TENM2: variants seen among roughly 807,000 people sequenced by gnomAD.
TENM2 encodes teneurin transmembrane protein 2.
In TENM2, 52 loss-of-function variants were observed where a neutral mutation model predicts 245.2. That is an observed-to-expected ratio of 0.21 (90% CI 0.17 to 0.27). The LOEUF is 0.27. Among genes scored for constraint, TENM2 ranks in the 10% least tolerant of loss-of-function variants. The probability of loss-of-function intolerance (pLI) is 1.00; values close to 1 mark genes in which losing one functional copy is unlikely to be tolerated. For synonymous variants in TENM2, 1,363 were observed against 1,438.9 expected, an observed-to-expected ratio of 0.95 and a Z score of 1.19; for missense variants, 3,046 against 3,666.8, an observed-to-expected ratio of 0.83 and a Z score of 4.37.
chr5:167,041,703 C>A, the TENM2 span, among the ~76,000 whole-genome samples: 2 of 152,148 alleles, frequency 1.3e-5, no homozygotes, highest in Non-Finnish European at 2.9e-5. Context: ...TAAAAAATTA[C>A]AAACGAAAGA....
chr5:167,478,108 A>G (rs1767513437), intron 2 of TENM2, among the ~76,000 whole-genome samples: 2 of 152,226 alleles, frequency 1.3e-5, no homozygotes, highest in Non-Finnish European at 2.9e-5. Flanking sequence ...CCAGGAAAAC[A>G]TGAAGTTGCA....
chr5:168,137,369 A>G (rs1008401105), intron 12 of TENM2, among the ~76,000 whole-genome samples: 2 of 152,212 alleles, frequency 1.3e-5, no homozygotes, highest in Admixed American at 6.5e-5. Flanking sequence ...TTCAAGAGGG[A>G]TTGCCAGACA....
chr5:167,284,410 G>A (rs922279286), upstream of TENM2, among the ~76,000 whole-genome samples: 1 of 152,148 alleles, frequency 6.6e-6, no homozygotes, highest in Non-Finnish European at 1.5e-5. Context: ...TAGAGAGAAT[G>A]TAATTAAAGA....
At chr5:167,603,350 A>T (rs541431335) in intron 2 of TENM2, among the ~76,000 whole-genome samples, 1 of 152,280 alleles carries the variant, frequency 6.6e-6, no homozygotes, top group East Asian at 1.9e-4. Context: ...CTGGGAGTTA[A>T]AAATAGTGTC....
chr5:167,285,058 G>C, exon 1 of TENM2: 2 of 1,551,550 alleles, frequency 1.3e-6, no homozygotes, highest in Non-Finnish European at 1.7e-6. Flanking sequence ...GAGTTTCCTA[G>C]ACAAGGTTTG....
intron 12 of TENM2, among the ~76,000 whole-genome samples, chr5:168,158,756 T>C (rs1361641624): frequency 7.0e-6 from 1 of 142,686 alleles, no homozygotes; most frequent in Non-Finnish European, 1.5e-5. Flanking sequence ...GGTCAGGAGT[T>C]CAAGACCAGC....
chr5:167,917,411 A>C (rs1030674364), intron 3 of TENM2, among the ~76,000 whole-genome samples: 6 of 152,042 alleles, frequency 3.9e-5, no homozygotes, highest in Admixed American at 1.3e-4. Context: ...CACTGGCTTC[A>C]TTTGTGAGTT....
chr5:168,228,666 A>G (rs923655591), intron 25 of TENM2, among the ~76,000 whole-genome samples: 5 of 152,340 alleles, frequency 3.3e-5, no homozygotes, highest in Admixed American at 2.0e-4. Context: ...AAGTGAAAAG[A>G]CAGAGGTACA....
At chr5:167,525,412 C>A (rs1432884) in intron 2 of TENM2, among the ~76,000 whole-genome samples, 102,985 of 151,976 alleles carry the variant, frequency 0.68, 35,149 homozygotes, top group East Asian at 0.85. Flanking sequence ...TGAGGCTCCA[C>A]GTACCAACCT....
exon 1 of TENM2, chr5:167,284,984 T>C (rs1771252838): frequency 1.3e-6 from 2 of 1,552,024 alleles, no homozygotes. Context: ...TGAAGGCCTA[T>C]GACCATGACA....
chr5:167,071,878 G>GGCCCCCCCCCCC, the TENM2 span, among the ~76,000 whole-genome samples: 2 of 124,024 alleles, frequency 1.6e-5, no homozygotes, highest in Non-Finnish European at 1.7e-5. Context: ...TTGACAAATC[G>GGCCCCCCCCCCC]CCCCCCCCCG....
chr5:167,796,874 G>C (rs1306579586), intron 2 of TENM2, among the ~76,000 whole-genome samples: 3 of 151,984 alleles, frequency 2.0e-5, no homozygotes, highest in Non-Finnish European at 4.4e-5. Flanking sequence ...TCAAAGTCCT[G>C]ATGCAGCGTG....
chr5:167,154,078 G>T, the TENM2 span, among the ~76,000 whole-genome samples: 1 of 152,142 alleles, frequency 6.6e-6, no homozygotes, highest in Non-Finnish European at 1.5e-5. Flanking sequence ...TTCTTCTGGA[G>T]ATTAATATTT....
intron 1 of TENM2, among the ~76,000 whole-genome samples, chr5:167,332,005 A>C (rs1490901526): frequency 6.6e-6 from 1 of 152,216 alleles, no homozygotes; most frequent in Non-Finnish European, 1.5e-5. Flanking sequence ...GCCTTTATCG[A>C]CCAACGTATT....
chr5:167,394,468 A>T (rs534922886), intron 2 of TENM2, among the ~76,000 whole-genome samples: 1 of 151,982 alleles, frequency 6.6e-6, no homozygotes, highest in Admixed American at 6.6e-5. Flanking sequence ...ATTTTATTCT[A>T]TTGGTCTATG....
the TENM2 span, among the ~76,000 whole-genome samples, chr5:167,051,019 T>C: frequency 3.9e-5 from 6 of 152,266 alleles, no homozygotes; most frequent in East Asian, 9.7e-4. Context: ...CTGGCACTTT[T>C]CCCCCTGTGG....
chr5:167,624,732 T>C (rs1409599226), intron 2 of TENM2, among the ~76,000 whole-genome samples: 7 of 152,236 alleles, frequency 4.6e-5, no homozygotes, highest in Non-Finnish European at 1.0e-4. Flanking sequence ...CTGCCAGTTA[T>C]AACTTCAGGA....
At chr5:167,624,133 T>C (rs1778352038) in intron 2 of TENM2, among the ~76,000 whole-genome samples, 1 of 152,178 alleles carries the variant, frequency 6.6e-6, no homozygotes, top group Non-Finnish European at 1.5e-5. Context: ...ATATATTTAT[T>C]GCAGTAATAC....
chr5:167,009,388 A>G, the TENM2 span, among the ~76,000 whole-genome samples: 2 of 152,208 alleles, frequency 1.3e-5, no homozygotes, highest in Non-Finnish European at 2.9e-5. Context: ...CTGATTTTCA[A>G]TAATTACAAG....
Sources: allele counts gnomAD v4.1 joint callset (sites outside exome capture counted in the v4.1 genomes callset), GRCh38; gene constraint gnomAD v4.1.1; transcripts MANE v1.5; gene names NCBI Gene and HGNC (gene_info 2026-07-23, HGNC 2026-07-21).